ESRRB: variants seen among roughly 807,000 people sequenced by gnomAD.
The protein encoded by ESRRB is estrogen related receptor beta, also known as steroid hormone receptor ERR2.
In ESRRB, 16 loss-of-function variants were observed where a neutral mutation model predicts 46.0. The ratio of observed to expected loss-of-function variants is 0.35; its 90% CI spans 0.24 to 0.53. ESRRB has a LOEUF of 0.53. Among genes scored for constraint, ESRRB ranks in the 20% least tolerant of loss-of-function variants. ESRRB has a pLI of 0.93. For synonymous variants in ESRRB, 246 were observed against 259.6 expected (o/e 0.95, Z 0.50); for missense variants, 488 against 607.4 (o/e 0.80, Z 2.07).
chr14:76,431,215 A>T (rs1887427898), intron 1 of ESRRB, among the ~76,000 whole-genome samples: 1 of 152,160 alleles, frequency 6.6e-6, no homozygotes, highest in African/African-American at 2.4e-5. Context: ...GAATCACTTA[A>T]AGCTGAGAGG....
chr14:76,346,087 A>G (rs1884246476), intron 1 of ESRRB, among the ~76,000 whole-genome samples: 1 of 152,182 alleles, frequency 6.6e-6, no homozygotes, highest in Non-Finnish European at 1.5e-5. Context: ...TAGACATATC[A>G]TTAGGGCCCG....
At chr14:76,404,495 G>T (rs1022800215) in intron 1 of ESRRB, 2 of 152,396 alleles carry the variant, frequency 1.3e-5, no homozygotes, top group Non-Finnish European at 2.9e-5. Flanking sequence ...TGAATGGCCA[G>T]ACCATGGGCT....
At chr14:76,327,635 A>C (rs745568294) in intron 1 of ESRRB, among the ~76,000 whole-genome samples, 1 of 152,116 alleles carries the variant, frequency 6.6e-6, no homozygotes, top group Admixed American at 6.6e-5. Flanking sequence ...TGAGTAGCCT[A>C]TGGCTTACGG....
intron 1 of ESRRB, among the ~76,000 whole-genome samples, chr14:76,411,972 C>T (rs1886463067): frequency 6.6e-6 from 1 of 152,164 alleles, no homozygotes; most frequent in Non-Finnish European, 1.5e-5. Flanking sequence ...AAAAGATGCT[C>T]AATAAATATG....
intron 6 of ESRRB, among the ~76,000 whole-genome samples, chr14:76,493,312 A>T (rs758865316): frequency 6.6e-6 from 1 of 152,054 alleles, no homozygotes; most frequent in Non-Finnish European, 1.5e-5. Context: ...GCACCGCCAC[A>T]CTCAGCTAAT....
chr14:76,444,102 C>T (rs1361974361), intron 2 of ESRRB, among the ~76,000 whole-genome samples: 1 of 151,726 alleles, frequency 6.6e-6, no homozygotes, highest in African/African-American at 2.4e-5. Context: ...CGCTCTGTTG[C>T]CCAGGCTGGA....
At chr14:76,313,345 GCAATTGGT>G (rs1443191477) in intron 1 of ESRRB, among the ~76,000 whole-genome samples, 1 of 151,396 alleles carries the variant, frequency 6.6e-6, no homozygotes, top group Non-Finnish European at 1.5e-5. Context: ...TTTCTTAAAT[GCAATTGGT>G]CACGGGGCTG....
chr14:76,478,754 C>T (rs1236805466), intron 3 of ESRRB, among the ~76,000 whole-genome samples: 1 of 152,010 alleles, frequency 6.6e-6, no homozygotes, highest in Non-Finnish European at 1.5e-5. Flanking sequence ...ACAGAGGAGG[C>T]TTCTATGTAG....
At chr14:76,488,424 C>T (rs1194426957) in intron 5 of ESRRB, among the ~76,000 whole-genome samples, 1 of 152,176 alleles carries the variant, frequency 6.6e-6, no homozygotes, top group Non-Finnish European at 1.5e-5. Context: ...CAAGTCCAGT[C>T]TCCCTCCCAC....
In ESRRB at chr14:76,482,575, C is replaced by G; in HGVS notation, c.689-23C>G. ...CCTTTCCTCTTTTCCCAGCATTTAC[C>G]TTTCCCTCTTTGGTTGTTGCAGTGA... On this transcript the variant is annotated intron_variant, in intron 4 of 6. Coordinates refer to ENST00000644823, the MANE Select transcript of ESRRB (RefSeq NM_001379180.1). The surrounding 1 kb of genome is among the most constrained non-coding windows in gnomAD (Gnocchi z 4.3). 2 of 1,614,040 alleles carry G rather than the reference C, an allele frequency of 1.2e-6. No homozygotes were observed. The highest frequency in any genetic ancestry group is 1.7e-6 in the Non-Finnish European group (2 of 1,179,954).
At chr14:76,429,273 G>T (rs868330329) in intron 1 of ESRRB, among the ~76,000 whole-genome samples, 6 of 152,132 alleles carry the variant, frequency 3.9e-5, no homozygotes, top group African/African-American at 1.4e-4. Flanking sequence ...TCTTAGGGCT[G>T]TTTTATTATC....
chr14:76,481,682 A>G (rs1463052261), intron 3 of ESRRB, among the ~76,000 whole-genome samples: 1 of 152,222 alleles, frequency 6.6e-6, no homozygotes, highest in Non-Finnish European at 1.5e-5. Flanking sequence ...AAGCAGATCT[A>G]ACATAATGTG....
chr14:76,342,543 G>T (rs1362507982), intron 1 of ESRRB, among the ~76,000 whole-genome samples: 1 of 152,184 alleles, frequency 6.6e-6, no homozygotes, highest in Non-Finnish European at 1.5e-5. Context: ...ATCTCCACTC[G>T]TTCAGGTGAG....
At chr14:76,337,084 A>T (rs150538403) in intron 1 of ESRRB, among the ~76,000 whole-genome samples, 62 of 152,206 alleles carry the variant, frequency 4.1e-4, no homozygotes, top group African/African-American at 1.4e-3. Flanking sequence ...GGAACGGACT[A>T]GGGGTGTTCA....
chr14:76,364,721 G>A (rs1308861577), intron 1 of ESRRB, among the ~76,000 whole-genome samples: 1 of 151,176 alleles, frequency 6.6e-6, no homozygotes, highest in Non-Finnish European at 1.5e-5. Context: ...AAGGACATGT[G>A]GACAGTTGCC....
At chr14:76,430,966 A>C (rs1887415045) in intron 1 of ESRRB, among the ~76,000 whole-genome samples, 1 of 152,178 alleles carries the variant, frequency 6.6e-6, no homozygotes, top group Admixed American at 6.5e-5. Context: ...GCAGCAGGCC[A>C]CCTAGTGTGG....
chr14:76,396,424 A>C (rs1218202103), intron 1 of ESRRB, among the ~76,000 whole-genome samples: 1 of 152,154 alleles, frequency 6.6e-6, no homozygotes, highest in Non-Finnish European at 1.5e-5. Context: ...TGGGCTTAAG[A>C]ATCCTGGTAT....
intron 2 of ESRRB, among the ~76,000 whole-genome samples, chr14:76,457,457 T>G (rs1188171338): frequency 1.3e-5 from 2 of 152,138 alleles, no homozygotes; most frequent in Admixed American, 6.5e-5. Context: ...GGATGAGTTT[T>G]TTTTTTTTTT....
chr14:76,492,612 A>C (rs1483484534), intron 6 of ESRRB, among the ~76,000 whole-genome samples: 1 of 152,264 alleles, frequency 6.6e-6, no homozygotes, highest in Non-Finnish European at 1.5e-5. Context: ...ACAGTTAAAA[A>C]GTGTCAGAGT....
Sources: allele counts gnomAD v4.1 joint callset (sites outside exome capture counted in the v4.1 genomes callset), GRCh38; gene constraint gnomAD v4.1.1; non-coding constraint Gnocchi (gnomAD v3.1); transcripts MANE v1.5; gene names NCBI Gene and HGNC (gene_info 2026-07-23, HGNC 2026-07-21).